The following SLC25A26 variants were observed in gnomAD, a reference collection of about 807,000 sequenced individuals.
SLC25A26 encodes the protein mitochondrial S-adenosylmethionine carrier protein.
Under a neutral mutation model 37.8 loss-of-function variants are expected in SLC25A26, and 36 were observed. That is an observed-to-expected ratio of 0.95 (90% CI 0.73 to 1.26). The LOEUF (loss-of-function observed/expected upper bound fraction) is 1.26. Ranked by LOEUF, SLC25A26 falls within the 50% of genes most tolerant of loss-of-function variation. The probability of loss-of-function intolerance (pLI) is 0.00; values close to 1 mark genes in which losing one functional copy is unlikely to be tolerated. For missense variants in SLC25A26, 390 were observed against 331.1 expected, an observed-to-expected ratio of 1.18 and a Z score of -1.38; for synonymous variants, 129 against 122.5, an observed-to-expected ratio of 1.05 and a Z score of -0.35.
chr3:66,164,213 CA>C (rs2070395838), intron 1 of SLC25A26, among the ~76,000 whole-genome samples: 1 of 152,182 alleles, frequency 6.6e-6, no homozygotes, highest in African/African-American at 2.4e-5. Flanking sequence ...ACAAGATACT[CA>C]AAGAATTTCC....
At chr3:66,331,218 G>A (rs2107679955) in intron 5 of SLC25A26, among the ~76,000 whole-genome samples, 1 of 151,952 alleles carries the variant, frequency 6.6e-6, no homozygotes, top group East Asian at 1.9e-4. Flanking sequence ...CTTTTCCCGT[G>A]TTTCCACCAA....
chr3:66,339,932 CA>C (rs2076171060), intron 5 of SLC25A26, among the ~76,000 whole-genome samples: 1 of 151,994 alleles, frequency 6.6e-6, no homozygotes, highest in Non-Finnish European at 1.5e-5. Flanking sequence ...AAATCATTGC[CA>C]AATCTAATGT....
intron 1 of SLC25A26, among the ~76,000 whole-genome samples, chr3:66,228,592 G>C (rs986167957): frequency 2.6e-5 from 4 of 152,180 alleles, no homozygotes; most frequent in Non-Finnish European, 4.4e-5. Context: ...GGGGTTGAAT[G>C]CCTGAAAAAT....
At chr3:66,195,773 A>G (rs1206959824) in intron 1 of SLC25A26, among the ~76,000 whole-genome samples, 1 of 152,260 alleles carries the variant, frequency 6.6e-6, no homozygotes, top group Non-Finnish European at 1.5e-5. Context: ...AGAATATGCA[A>G]AAAGCATTGA....
At chr3:66,256,879 C>T (rs1460094925) in intron 3 of SLC25A26, among the ~76,000 whole-genome samples, 7 of 152,108 alleles carry the variant, frequency 4.6e-5, no homozygotes, top group Non-Finnish European at 7.4e-5. Flanking sequence ...AGTGACAGAA[C>T]GATACCCTGT....
chr3:66,304,416 CAT>C lies in SLC25A26; in HGVS notation c.453+41038_453+41039del, dbSNP rs987748091. The C allele has an allele frequency of 2.2e-5, 10 of 456,226 alleles. No homozygotes were observed. In the East Asian group the frequency reaches 3.5e-4, roughly 16 times the overall value. 28.3% of individuals were successfully genotyped at this position (456,226 alleles called of 1,614,324 possible). A position where few individuals can be genotyped will look rare whatever the true frequency, so the allele number is the denominator to read the frequency against. ...CTGTTCAGTTTCAGTTTTGTGTTCA[CAT>C]GTCTGTTGTCATATTTTTTCTTCTA... On this transcript the variant is annotated intron_variant, in intron 5 of 9. Transcript: ENST00000354883.
At chr3:66,252,729 A>G (rs887831857) in intron 3 of SLC25A26, among the ~76,000 whole-genome samples, 1 of 152,222 alleles carries the variant, frequency 6.6e-6, no homozygotes, top group Non-Finnish European at 1.5e-5. Flanking sequence ...TGGGAAAGGT[A>G]TCTATTCAGA....
At chr3:66,317,138 G>T (rs1368938821) in intron 5 of SLC25A26, among the ~76,000 whole-genome samples, 1 of 152,134 alleles carries the variant, frequency 6.6e-6, no homozygotes, top group East Asian at 1.9e-4. Flanking sequence ...GCCCAGTTCT[G>T]TGCCCTTGCT....
At chr3:66,220,903 C>G (rs2071454028), upstream of SLC25A26, 1 of 645,624 alleles carries the variant, frequency 1.5e-6, no homozygotes, top group South Asian at 1.7e-5. Flanking sequence ...TCCCCGAGGC[C>G]CCGCCCCTCC....
chr3:66,174,733 C>T (rs1310639161), intron 1 of SLC25A26, among the ~76,000 whole-genome samples: 3 of 151,578 alleles, frequency 2.0e-5, no homozygotes, highest in Admixed American at 1.3e-4. Flanking sequence ...TTGCAGTGAG[C>T]CGAGATCGCG....
intron 1 of SLC25A26, among the ~76,000 whole-genome samples, chr3:66,211,723 A>G (rs1173032430): frequency 1.3e-5 from 2 of 152,236 alleles, no homozygotes; most frequent in African/African-American, 2.4e-5. Context: ...AATTTCACAA[A>G]TGTTTCACAA....
At chr3:66,292,231 G>A (rs2074737459) in intron 5 of SLC25A26, among the ~76,000 whole-genome samples, 2 of 152,124 alleles carry the variant, frequency 1.3e-5, no homozygotes, top group South Asian at 4.1e-4. Context: ...ACAGCACACT[G>A]ATGGGTCTTC....
chr3:66,292,404 A>G (rs2074743915), intron 5 of SLC25A26, among the ~76,000 whole-genome samples: 1 of 152,190 alleles, frequency 6.6e-6, no homozygotes, highest in Non-Finnish European at 1.5e-5. Flanking sequence ...GACGGTCTTT[A>G]CAATTTGGTA....
chr3:66,206,753 G>T (rs2071183373), intron 1 of SLC25A26, among the ~76,000 whole-genome samples: 1 of 150,568 alleles, frequency 6.6e-6, no homozygotes, highest in African/African-American at 2.4e-5. Context: ...CATAGGCTGG[G>T]GTGTAGTGGC....
chr3:66,148,037 G>A (rs1247392921), intron 1 of SLC25A26, among the ~76,000 whole-genome samples: 6 of 152,194 alleles, frequency 3.9e-5, no homozygotes, highest in African/African-American at 1.2e-4. Context: ...GATTATAGGC[G>A]TGAGCCACCA....
In SLC25A26 at chr3:66,236,847, A is replaced by T. The variant is rs1237073265; in HGVS notation, c.190+147A>T. On this transcript the variant is annotated intron_variant, in intron 2 of 9. Transcript: ENST00000354883. ...TAACCTGGTGTCATTATTATTTTTT[A>T]TTTATTTTAGTCACGGTCTCACTTT... 4 of 618,344 alleles carry T rather than the reference A, an allele frequency of 6.5e-6. No individual in the cohort carries two copies. The Admixed American group carries it at 1.0e-4, about 16-fold the overall frequency. The allele number at this position is 618,344 out of a possible 1,614,324, so 38.3% of individuals were successfully genotyped here.
intron 1 of SLC25A26, among the ~76,000 whole-genome samples, chr3:66,199,671 A>G (rs2071085511): frequency 1.3e-5 from 2 of 151,686 alleles, no homozygotes; most frequent in Non-Finnish European, 2.9e-5. Flanking sequence ...TAAACCCTTC[A>G]CTGGCCTCAA....
chr3:66,356,186 C>A, intron 6 of SLC25A26: 1 of 431,478 alleles, frequency 2.3e-6, no homozygotes, highest in South Asian at 1.7e-5. Context: ...AAAAACAAAG[C>A]CTTCTCTTCA....
rs896518613 is a variant in SLC25A26, at chr3:66,196,161, G to C, written c.-353-24581G>C. Among the ~76,000 whole-genome samples, 345 of 151,380 alleles carry C rather than the reference G, an allele frequency of 2.3e-3. 2 individuals are homozygous for C. Among genetic ancestry groups the C allele is most frequent in the African/African-American group, 7.9e-3 (326 of 41,180 alleles). On this transcript the variant is annotated intron_variant, in intron 1 of 10. Transcript: ENST00000676754. ...GTAATCAGTCTGTTTTTTTTCTCTA[G>C]ACATAAGGAAAACCCAGGGGACAGA...
Sources: gnomAD v4.1 joint callset for allele counts (sites outside exome capture counted in the v4.1 genomes callset) on GRCh38, gnomAD v4.1.1 for gene constraint, MANE v1.5 for transcripts, NCBI Gene and HGNC (gene_info 2026-07-23, HGNC 2026-07-21) for gene names.